The following CDH9 variants were observed in gnomAD, a reference collection of about 807,000 sequenced individuals.
CDH9 encodes the protein cadherin-9.
A neutral mutation model predicts 70.9 loss-of-function variants in CDH9; 28 were observed. The ratio of observed to expected loss-of-function variants is 0.40; its 90% confidence interval spans 0.29 to 0.54. The LOEUF is 0.54. Ranked by LOEUF, CDH9 falls within the 20% of genes least tolerant of loss-of-function variation. CDH9 has a pLI of 0.59. For synonymous variants in CDH9, 409 were observed against 343.1 expected, an observed-to-expected ratio of 1.19 and a Z score of -2.12; for missense variants, 874 against 984.4, an observed-to-expected ratio of 0.89 and a Z score of 1.50.
intron 2 of CDH9, among the ~76,000 whole-genome samples, chr5:26,965,246 G>A (rs1195200502): frequency 6.6e-6 from 1 of 151,960 alleles, no homozygotes; most frequent in Admixed American, 6.6e-5. Flanking sequence ...ATTTACACAG[G>A]CCAAATCTAT....
At chr5:26,922,818 A>C (rs901163517) in intron 2 of CDH9, among the ~76,000 whole-genome samples, 6 of 151,974 alleles carry the variant, frequency 3.9e-5, no homozygotes, top group African/African-American at 1.4e-4. Flanking sequence ...ATAAGATATA[A>C]ACAGAAAAAC....
At chr5:26,994,918 G>A (rs1436229393) in intron 1 of CDH9, among the ~76,000 whole-genome samples, 1 of 152,012 alleles carries the variant, frequency 6.6e-6, no homozygotes, top group African/African-American at 2.4e-5. Flanking sequence ...CATTCTTTCA[G>A]TTTTTATATT....
rs1740454396 is a variant in CDH9 at position 26,881,159 on chromosome 5, C to A, written c.2347G>T (p.Gly783Cys). 2.5e-6 allele frequency: 4 copies of A among 1,611,696 alleles called. No homozygotes were observed. The highest frequency in any genetic ancestry group is 1.3e-5 in the African/African-American group (1 of 74,832). Residue 783 changes from glycine (G) to cysteine (C), a missense_variant, in exon 12 of 12, where the codon GGT becomes TGT. Coordinates refer to ENST00000231021, the MANE Select transcript of CDH9 (RefSeq NM_016279.4). ...TCTTAGTCTCGGTCACTATCATCAC[C>A]CCCATACATATCGGCAAGTTTTTTG... The part of the protein sequence containing the change: ...RFKKLADMYG[G>C]DDSDRD
At chr5:26,927,535 C>T (rs749541445) in intron 2 of CDH9, among the ~76,000 whole-genome samples, 1 of 152,004 alleles carries the variant, frequency 6.6e-6, no homozygotes, top group Non-Finnish European at 1.5e-5. Flanking sequence ...TATCACATAC[C>T]GGGTTTGTGG....
chr5:26,885,890 A>T, intron 10 of CDH9, 25 bp from the exon 11 acceptor site: 2 of 1,607,662 alleles, frequency 1.2e-6, no homozygotes, highest in Non-Finnish European at 1.7e-6. Flanking sequence ...ATGTAAAAAA[A>T]CAAAAACTTT....
chr5:26,999,783 C>T (rs1383786493), intron 1 of CDH9, among the ~76,000 whole-genome samples: 1 of 151,850 alleles, frequency 6.6e-6, no homozygotes, highest in African/African-American at 2.4e-5. Context: ...TTATTTTTTT[C>T]CAACTGTATA....
At chr5:27,011,282 C>T (rs866392649) in intron 1 of CDH9, among the ~76,000 whole-genome samples, 4 of 152,028 alleles carry the variant, frequency 2.6e-5, no homozygotes, top group Admixed American at 6.6e-5. Context: ...TCTGACCTTA[C>T]GTGGAAACAG....
At chr5:26,933,542 C>T (rs774242362) in intron 2 of CDH9, among the ~76,000 whole-genome samples, 2 of 151,630 alleles carry the variant, frequency 1.3e-5, no homozygotes, top group Non-Finnish European at 2.9e-5. Context: ...TTTGGGAGGC[C>T]GAGGCGGGTG....
chr5:26,916,573 G>A (rs749346925), intron 2 of CDH9, among the ~76,000 whole-genome samples: 36 of 151,880 alleles, frequency 2.4e-4, no homozygotes, highest in Non-Finnish European at 4.0e-4. Context: ...ATAAAATTGA[G>A]CAATTATAAC....
At chr5:26,998,940 C>T (rs1742716489) in intron 1 of CDH9, among the ~76,000 whole-genome samples, 1 of 151,904 alleles carries the variant, frequency 6.6e-6, no homozygotes, top group Non-Finnish European at 1.5e-5. Context: ...AGATATGCAT[C>T]TATGTCTTTT....
intron 1 of CDH9, among the ~76,000 whole-genome samples, chr5:27,007,375 T>C (rs1305956570): frequency 2.0e-5 from 3 of 152,028 alleles, no homozygotes; most frequent in African/African-American, 7.2e-5. Context: ...TGCATGGCAA[T>C]ATTGAGAAGA....
chr5:26,988,067 C>T, intron 2 of CDH9, 39 bp downstream of exon 2: 1 of 1,433,154 alleles, frequency 7.0e-7, no homozygotes, highest in Non-Finnish European at 9.7e-7. Flanking sequence ...AAATAGCTGT[C>T]ACTTTCAGCT....
At chr5:26,923,015 T>A in intron 2 of CDH9, among the ~76,000 whole-genome samples, 1 of 135,192 alleles carries the variant, frequency 7.4e-6, no homozygotes, top group Non-Finnish European at 1.6e-5. Flanking sequence ...ATAATAACAA[T>A]AGATGTAAAT....
At chr5:26,886,403 A>C (rs1440419085) in intron 9 of CDH9, among the ~76,000 whole-genome samples, 1 of 152,114 alleles carries the variant, frequency 6.6e-6, no homozygotes, top group Non-Finnish European at 1.5e-5. Context: ...ATATTGTTGA[A>C]AGGCACAGTC....
At chr5:26,926,921 C>CG (rs1554037348) in intron 2 of CDH9, among the ~76,000 whole-genome samples, 1,447 of 135,042 alleles carry the variant, frequency 0.011, 97 homozygotes, top group Admixed American at 0.093. Context: ...AATACAGCCC[C>CG]CCCCCGCAAA....
chr5:26,914,683 G>A (rs889656320), intron 3 of CDH9, among the ~76,000 whole-genome samples: 1 of 151,948 alleles, frequency 6.6e-6, no homozygotes, highest in Admixed American at 6.6e-5. Context: ...TAAACATTCA[G>A]TAAAGGTGGA....
intron 2 of CDH9, among the ~76,000 whole-genome samples, chr5:26,980,348 A>G (rs1008274774): frequency 2.0e-5 from 3 of 152,062 alleles, no homozygotes; most frequent in African/African-American, 4.8e-5. Context: ...ATGATGAATC[A>G]GTAATCACCT....
At chr5:26,903,941 G>T in intron 5 of CDH9, 117 bp from the exon 6 acceptor site, 1 of 586,770 alleles carries the variant, frequency 1.7e-6, no homozygotes, top group Non-Finnish European at 2.9e-6. Context: ...TTATCATATT[G>T]AATTGTAAGC....
At chr5:27,012,671 A>T (rs1285186590) in intron 1 of CDH9, among the ~76,000 whole-genome samples, 1 of 152,040 alleles carries the variant, frequency 6.6e-6, no homozygotes, top group South Asian at 2.1e-4. Flanking sequence ...AAAAAATCAA[A>T]CAAGAAACAA....
Sources: gnomAD v4.1 joint callset for allele counts (sites outside exome capture counted in the v4.1 genomes callset) on GRCh38, gnomAD v4.1.1 for gene constraint, MANE v1.5 for transcripts, NCBI Gene and HGNC (gene_info 2026-07-23, HGNC 2026-07-21) for gene names.